PDE4D: variants seen among roughly 807,000 people sequenced by gnomAD.
PDE4D encodes the protein phosphodiesterase 4D, also known as 3',5'-cyclic-AMP phosphodiesterase 4D.
PDE4D carries 24 observed loss-of-function variants against 87.4 expected under a neutral mutation model. The observed-to-expected ratio is 0.27, with a 90% CI of 0.20 to 0.39. PDE4D has a LOEUF of 0.39. Ranked by LOEUF, PDE4D falls within the 10% of genes least tolerant of loss-of-function variation. The pLI, the probability that PDE4D is intolerant of heterozygous loss-of-function variation, is 1.00. For missense variants in PDE4D, 714 were observed against 1,041.0 expected (o/e 0.69, Z 4.32); for synonymous variants, 384 against 383.2 (o/e 1.00, Z -0.02).
chr5:59,265,181 G>A (rs1762655004), intron 1 of PDE4D, among the ~76,000 whole-genome samples: 1 of 152,006 alleles, frequency 6.6e-6, no homozygotes, highest in Admixed American at 6.6e-5. Context: ...TTACAAAGGT[G>A]CACCTAGAGA....
intron 3 of PDE4D, among the ~76,000 whole-genome samples, chr5:59,980,936 A>C (rs376698040): frequency 6.6e-6 from 1 of 152,276 alleles, no homozygotes; most frequent in Non-Finnish European, 1.5e-5. Flanking sequence ...TCACTCTTAG[A>C]ATCTAATTTT....
intron 2 of PDE4D, among the ~76,000 whole-genome samples, chr5:60,032,578 C>A (rs994324221): frequency 6.6e-6 from 1 of 152,088 alleles, no homozygotes; most frequent in Admixed American, 6.5e-5. Context: ...ATAATACAAA[C>A]CTGCATTCAA....
intron 1 of PDE4D, among the ~76,000 whole-genome samples, chr5:60,304,626 T>C (rs1324506515): frequency 8.5e-6 from 1 of 117,650 alleles, no homozygotes; most frequent in Non-Finnish European, 1.6e-5. Context: ...CAGTCCGGCC[T>C]GGGCGACAGA....
At chr5:59,268,461 G>A (rs1763230753) in intron 1 of PDE4D, among the ~76,000 whole-genome samples, 1 of 151,982 alleles carries the variant, frequency 6.6e-6, no homozygotes, top group African/African-American at 2.4e-5. Flanking sequence ...GTCTCACCCA[G>A]GCTTGCTGTC....
intron 1 of PDE4D, among the ~76,000 whole-genome samples, chr5:59,543,794 C>A (rs117143224): frequency 6.6e-6 from 1 of 152,092 alleles, no homozygotes; most frequent in Non-Finnish European, 1.5e-5. Flanking sequence ...ACTTTGCTCA[C>A]CCATCACTTC....
chr5:59,622,515 CTAT>C (rs1442064265), intron 1 of PDE4D, among the ~76,000 whole-genome samples: 1 of 152,132 alleles, frequency 6.6e-6, no homozygotes, highest in Non-Finnish European at 1.5e-5. Flanking sequence ...TAATGTATGG[CTAT>C]TATTATCTTG....
intron 1 of PDE4D, among the ~76,000 whole-genome samples, chr5:59,602,855 A>C (rs915182943): frequency 6.6e-6 from 1 of 152,084 alleles, no homozygotes; most frequent in African/African-American, 2.4e-5. Flanking sequence ...GACCAATGAA[A>C]CATAATAGAG....
chr5:59,086,485 T>C (rs963150971), intron 5 of PDE4D, among the ~76,000 whole-genome samples: 14 of 152,176 alleles, frequency 9.2e-5, no homozygotes, highest in Non-Finnish European at 1.9e-4. Flanking sequence ...ATCTCTTTGT[T>C]GGATTCTTCT....
At chr5:60,063,558 A>G (rs564108966) in intron 2 of PDE4D, among the ~76,000 whole-genome samples, 1 of 152,228 alleles carries the variant, frequency 6.6e-6, no homozygotes, top group East Asian at 1.9e-4. Flanking sequence ...AATTTAGTTT[A>G]TAGTTTGAAA....
In PDE4D at chr5:60,498,922, C is replaced by T. The variant is rs540958429; in HGVS notation, n.70+23129G>A. Among the ~76,000 whole-genome samples the T allele has an allele frequency of 4.6e-5, 7 of 152,292 alleles. No individual in the cohort carries two copies. The East Asian group carries it at 1.4e-3, about 29-fold the overall frequency. On this transcript the variant is annotated intron_variant and non_coding_transcript_variant, in intron 1 of 2. Transcript: ENST00000506510. ...ATCCCATCTCACCTGCAGAAAAATG[C>T]ATGGATGAGTGGCCCCACATTCATT... is the stretch of plus-strand genomic sequence containing the variant.
At chr5:60,305,599 A>G (rs1754424123) in intron 1 of PDE4D, among the ~76,000 whole-genome samples, 1 of 152,002 alleles carries the variant, frequency 6.6e-6, no homozygotes, top group Non-Finnish European at 1.5e-5. Context: ...CAGGAAAAAA[A>G]TAAATCAGTA....
intron 1 of PDE4D, among the ~76,000 whole-genome samples, chr5:60,338,883 G>T (rs1342770587): frequency 6.6e-6 from 1 of 152,222 alleles, no homozygotes; most frequent in East Asian, 1.9e-4. Flanking sequence ...GGCTCTATAC[G>T]ACAGTCCCCC....
At chr5:59,988,506 G>C in exon 3 of PDE4D, 1 of 1,597,974 alleles carries the variant, frequency 6.3e-7, no homozygotes, top group Non-Finnish European at 8.5e-7. Context: ...TTCTGCAGAA[G>C]TGATAGCAAT....
chr5:60,316,424 T>C (rs1000430452), intron 1 of PDE4D, among the ~76,000 whole-genome samples: 7 of 152,358 alleles, frequency 4.6e-5, no homozygotes, highest in Middle Eastern at 3.4e-3. Flanking sequence ...AATCATGTCA[T>C]CTGGAAACAA....
At chr5:60,516,761 A>G (rs1376010623) in intron 1 of PDE4D, among the ~76,000 whole-genome samples, 1 of 150,774 alleles carries the variant, frequency 6.6e-6, no homozygotes, top group African/African-American at 2.4e-5. Context: ...AATTTTCACA[A>G]TAACACTAAG....
chr5:59,879,830 C>T (rs888883616), intron 1 of PDE4D, among the ~76,000 whole-genome samples: 3 of 152,122 alleles, frequency 2.0e-5, no homozygotes, highest in Non-Finnish European at 2.9e-5. Context: ...AACCTCCGCT[C>T]CCCGGGTTTA....
At chr5:59,655,838 C>A (rs1352153163) in intron 1 of PDE4D, among the ~76,000 whole-genome samples, 1 of 152,142 alleles carries the variant, frequency 6.6e-6, no homozygotes, top group African/African-American at 2.4e-5. Flanking sequence ...GCAGGCTAAG[C>A]GCTTCCAAAT....
intron 2 of PDE4D, among the ~76,000 whole-genome samples, chr5:59,202,033 ATTTT>A (rs10641798): frequency 2.1e-5 from 2 of 95,258 alleles, no homozygotes; most frequent in African/African-American, 8.6e-5. Flanking sequence ...TGTTTTGATC[ATTTT>A]TTTTTTTTTT....
intron 1 of PDE4D, among the ~76,000 whole-genome samples, chr5:59,561,651 C>G: frequency 6.6e-6 from 1 of 151,960 alleles, no homozygotes; most frequent in Non-Finnish European, 1.5e-5. Context: ...TAAAAGGGAC[C>G]AGGCATGGTG....
Sources: gnomAD v4.1 joint callset for allele counts (sites outside exome capture counted in the v4.1 genomes callset) on GRCh38, gnomAD v4.1.1 for gene constraint, MANE v1.5 for transcripts, NCBI Gene and HGNC (gene_info 2026-07-23, HGNC 2026-07-21) for gene names.